CAMK2D: variants seen among roughly 807,000 people sequenced by gnomAD.
CAMK2D encodes calcium/calmodulin-dependent protein kinase type II subunit delta.
In CAMK2D, 37 loss-of-function variants were observed where a neutral mutation model predicts 84.0. That is an observed-to-expected ratio of 0.44 (90% CI 0.34 to 0.58). CAMK2D has a LOEUF of 0.58. CAMK2D is among the 20% of genes least tolerant of loss of function. The pLI is 0.02. For missense variants in CAMK2D, 448 were observed against 652.5 expected (o/e 0.69, Z 3.41); for synonymous variants, 202 against 212.5 (o/e 0.95, Z 0.43).
rs2099575086 is a variant in CAMK2D, at chr4:113,733,927, A to T, written c.160+25393T>A. Among the ~76,000 whole-genome samples the T allele has an allele frequency of 2.0e-5, 3 of 152,182 alleles. 1 individual carries two copies. The highest frequency in any genetic ancestry group is 6.5e-5 in the Admixed American group (1 of 15,286). Reference sequence around the variant, plus strand: ...CATTGGTAAGCCAAAGGGTAGGCTAAATATGTACAAATGAGAACAGGTTTC... The same window carrying T: ...CATTGGTAAGCCAAAGGGTAGGCTATATATGTACAAATGAGAACAGGTTTC... On this transcript the variant is annotated intron_variant, in intron 2 of 20. Coordinates refer to ENST00000511664, the MANE Select transcript of CAMK2D (RefSeq NM_001321571.2).
chr4:113,472,852 A>C (rs2097562831), intron 16 of CAMK2D, among the ~76,000 whole-genome samples: 1 of 152,200 alleles, frequency 6.6e-6, no homozygotes, highest in Non-Finnish European at 1.5e-5. Context: ...TACTTTCTTA[A>C]TATGTCTAGT....
At chr4:113,684,146 T>C (rs1281370012) in intron 2 of CAMK2D, among the ~76,000 whole-genome samples, 3 of 152,186 alleles carry the variant, frequency 2.0e-5, no homozygotes, top group African/African-American at 7.2e-5. Context: ...GATGACACTG[T>C]GGAGTACACA....
At chr4:113,648,685 C>A (rs58979958) in intron 3 of CAMK2D, among the ~76,000 whole-genome samples, 7,999 of 152,216 alleles carry the variant, frequency 0.053, 586 homozygotes, top group African/African-American at 0.16. Context: ...GCTTTTTCAG[C>A]AGATACTTTG....
At chr4:113,570,826 CA>C (rs1232321788) in intron 4 of CAMK2D, among the ~76,000 whole-genome samples, 1 of 151,574 alleles carries the variant, frequency 6.6e-6, no homozygotes, top group African/African-American at 2.4e-5. Flanking sequence ...AGCTTCTGCT[CA>C]AAAAAGGAAA....
chr4:113,565,569 C>T (rs564527507), intron 4 of CAMK2D, among the ~76,000 whole-genome samples: 2 of 150,684 alleles, frequency 1.3e-5, no homozygotes, highest in Non-Finnish European at 3.0e-5. Flanking sequence ...GAGAATCGCT[C>T]GACCCCGGGA....
intron 3 of CAMK2D, among the ~76,000 whole-genome samples, chr4:113,616,543 G>C (rs766677964): frequency 2.0e-5 from 3 of 152,160 alleles, no homozygotes; most frequent in African/African-American, 4.8e-5. Context: ...GGTCAAAATA[G>C]TTATTACCTG....
chr4:113,716,852 A>G (rs992102312), intron 2 of CAMK2D, among the ~76,000 whole-genome samples: 3 of 152,146 alleles, frequency 2.0e-5, no homozygotes, highest in Admixed American at 6.5e-5. Flanking sequence ...ATCCCTACAA[A>G]TTCATGTTTG....
chr4:113,555,040 T>C (rs1379983908), intron 4 of CAMK2D, among the ~76,000 whole-genome samples: 2 of 152,212 alleles, frequency 1.3e-5, no homozygotes, highest in Non-Finnish European at 2.9e-5. Context: ...TTTATAGTGA[T>C]GTTGATTCAC....
chr4:113,543,885 G>T (rs983172277), intron 6 of CAMK2D, among the ~76,000 whole-genome samples: 1 of 151,856 alleles, frequency 6.6e-6, no homozygotes, highest in African/African-American at 2.4e-5. Context: ...TCCGCCTCCT[G>T]GGTTCATGCC....
chr4:113,552,209 CAA>C, intron 4 of CAMK2D, 113 bp from the exon 5 acceptor site: 1 of 580,450 alleles, frequency 1.7e-6, no homozygotes, highest in Non-Finnish European at 3.1e-6. Context: ...TAAAAAAAAT[CAA>C]AACTTTTTAA....
intron 3 of CAMK2D, among the ~76,000 whole-genome samples, chr4:113,627,691 T>C (rs935577629): frequency 1.3e-5 from 2 of 152,074 alleles, no homozygotes; most frequent in Non-Finnish European, 2.9e-5. Flanking sequence ...AACAGGAAAA[T>C]TAGCAAGGAA....
chr4:113,643,401 C>G (rs1438861415), intron 3 of CAMK2D, among the ~76,000 whole-genome samples: 1 of 152,184 alleles, frequency 6.6e-6, no homozygotes, highest in Non-Finnish European at 1.5e-5. Flanking sequence ...GAAGTCATAC[C>G]TGGGTGCTCA....
intron 2 of CAMK2D, among the ~76,000 whole-genome samples, chr4:113,739,473 A>T (rs1017422742): frequency 6.6e-6 from 1 of 152,182 alleles, no homozygotes; most frequent in Non-Finnish European, 1.5e-5. Context: ...GGGTGGATCC[A>T]ATATAAGACT....
intron 2 of CAMK2D, 142 bp downstream of exon 2, chr4:113,759,178 G>T: frequency 2.1e-6 from 1 of 469,662 alleles, no homozygotes. Context: ...GAAGCATTCA[G>T]GAAGAAAATA....
intron 8 of CAMK2D, among the ~76,000 whole-genome samples, chr4:113,528,961 G>A (rs1446883445): frequency 3.3e-5 from 5 of 152,170 alleles, no homozygotes; most frequent in African/African-American, 4.8e-5. Context: ...ATACTCTCAG[G>A]TAGGTAGCAG....
intron 4 of CAMK2D, among the ~76,000 whole-genome samples, chr4:113,604,210 G>A (rs1386600187): frequency 6.6e-6 from 1 of 152,080 alleles, no homozygotes; most frequent in Non-Finnish European, 1.5e-5. Flanking sequence ...CATTGGGTAA[G>A]TGGCTCTAAT....
intron 4 of CAMK2D, among the ~76,000 whole-genome samples, chr4:113,555,257 GGAATAGCACT>G (rs561150736): frequency 1.4e-4 from 21 of 152,262 alleles, no homozygotes; most frequent in Admixed American, 3.9e-4. Context: ...ATTAACCCAA[GGAATAGCACT>G]GACTTGGAGA....
chr4:113,474,979 C>T (rs1276489503), intron 16 of CAMK2D, among the ~76,000 whole-genome samples: 1 of 152,122 alleles, frequency 6.6e-6, no homozygotes, highest in Non-Finnish European at 1.5e-5. Context: ...ATATTCTGTC[C>T]TCCCTTCAGT....
chr4:113,552,531 C>T (rs926280870), intron 4 of CAMK2D, among the ~76,000 whole-genome samples: 7 of 152,158 alleles, frequency 4.6e-5, no homozygotes, highest in African/African-American at 1.7e-4. Context: ...GTATTTTTCC[C>T]CTTGAAAACA....
Sources: allele counts gnomAD v4.1 joint callset (sites outside exome capture counted in the v4.1 genomes callset), GRCh38; gene constraint gnomAD v4.1.1; transcripts MANE v1.5; gene names NCBI Gene and HGNC (gene_info 2026-07-23, HGNC 2026-07-21).